The following DACT1 variants were observed in gnomAD, a reference collection of about 807,000 sequenced individuals.
DACT1 encodes the protein dapper homolog 1.
Under a neutral mutation model 35.3 loss-of-function variants are expected in DACT1, and 19 were observed. The observed-to-expected ratio is 0.54, with a 90% confidence interval of 0.38 to 0.79. DACT1 has a LOEUF of 0.79. Among genes scored for constraint, DACT1 ranks in the 30% least tolerant of loss-of-function variants. The probability of loss-of-function intolerance (pLI) is 0.00; values close to 1 mark genes in which losing one functional copy is unlikely to be tolerated. For synonymous variants in DACT1, 545 were observed against 466.7 expected (o/e 1.17, Z -2.16); for missense variants, 1,143 against 1,057.5 (o/e 1.08, Z -1.12).
rs750505073 is a variant in DACT1 at position 58,646,881 on chromosome 14, G to A, written c.2147G>A (p.Cys716Tyr). Residue 716 changes from cysteine (C) to tyrosine (Y), a missense_variant, in exon 4 of 4, where the codon TGC becomes TAC. By Grantham distance (194) the Cys-to-Tyr change is radical. Transcript: ENST00000395153. ...GAGCAGAGCAATTACACCACCAACT[G>A]CTTCGGGGACAGCGAGTCGAGTGTG... ...EDEQSNYTTN[C>Y]FGDSESSVSE... The A allele has an allele frequency of 2.8e-5, 45 of 1,614,070 alleles. No homozygotes were observed. Among genetic ancestry groups the A allele is most frequent in the Non-Finnish European group, 3.6e-5 (42 of 1,180,052 alleles).
chr14:58,638,590 G>C, intron 1 of DACT1, 43 bp downstream of exon 1: 2 of 1,307,080 alleles, frequency 1.5e-6, no homozygotes, highest in East Asian at 2.9e-5. Context: ...TCCTGCCCAG[G>C]GGCTGGAGGT....
In DACT1 at chr14:58,638,547, G is replaced by A. The variant is rs754709809; in HGVS notation, c.345G>A (p.Leu115=). ...EENILLLRKQ[L]NCLRRRDAGL... is the part of the protein sequence containing the mutation. ...ACATCTTGCTGCTAAGAAAGCAATT[G>A]GTAGGTCGTGCCCGAAGGTGGAGCA... Residue 115 remains leucine (L), a splice_region_variant and synonymous_variant, in exon 1 of 4, where the codon TTG becomes TTA. Coordinates refer to ENST00000395153, the MANE Select transcript of DACT1 (RefSeq NM_001079520.2). The A allele has an allele frequency of 7.5e-7, 1 of 1,340,654 alleles. No individual in the cohort carries two copies. The allele number at this position is 1,340,654 out of a possible 1,614,324, so 83.0% of individuals were successfully genotyped here. A position where few individuals can be genotyped will look rare whatever the true frequency, so the allele number is the denominator to read the frequency against.
chr14:58,641,453 C>G (rs2047626076), intron 2 of DACT1, 139 bp from the exon 3 acceptor site: 4 of 904,164 alleles, frequency 4.4e-6, no homozygotes, highest in South Asian at 3.4e-5. Flanking sequence ...ATTAGGACAC[C>G]AAAGTCCAAT....
At chr14:58,635,725 G>A (rs2047568825), upstream of DACT1, among the ~76,000 whole-genome samples, 1 of 152,158 alleles carries the variant, frequency 6.6e-6, no homozygotes, top group Non-Finnish European at 1.5e-5. Flanking sequence ...GAGACATAGC[G>A]AGCTTGTCTG....
At chr14:58,644,842 A>G (rs1008317691) in intron 3 of DACT1, among the ~76,000 whole-genome samples, 7 of 152,184 alleles carry the variant, frequency 4.6e-5, no homozygotes, top group Non-Finnish European at 8.8e-5. Flanking sequence ...AAGAAAGTAA[A>G]TATCACTTAC....
At chr14:58,635,799 T>C (rs545683550), upstream of DACT1, among the ~76,000 whole-genome samples, 1 of 152,280 alleles carries the variant, frequency 6.6e-6, no homozygotes, top group African/African-American at 2.4e-5. Flanking sequence ...CCCTCAACTA[T>C]ACAAATATAG....
Position 58,646,226 on chromosome 14 carries a change from A to C in DACT1, c.1492A>C (p.Arg498=), listed in dbSNP as rs1176643481. Residue 498 remains arginine, a synonymous_variant, in exon 4 of 4, where the codon AGG becomes CGG. Transcript: ENST00000395153. ...GTCTACAGCTTTCCCCGTGGAAGAG[A>C]GGCCTGCCTTGGATTTCAAGAGCGA... is the stretch of plus-strand genomic sequence containing the variant. ...LLSTAFPVEE[R]PALDFKSEGS... 6.2e-7 allele frequency: 1 copy of C among 1,613,848 alleles called. No individual in the cohort carries two copies. Among genetic ancestry groups the C allele is most frequent in the Non-Finnish European group, 8.5e-7 (1 of 1,179,966 alleles).
intron 1 of DACT1, 38 bp from the exon 2 acceptor site, chr14:58,640,698 C>T: frequency 3.1e-6 from 5 of 1,612,062 alleles, no homozygotes; most frequent in Non-Finnish European, 4.2e-6. Context: ...TTTTGTCACC[C>T]CTGTATGTTC....
rs570790352 is a variant in DACT1 at position 58,646,290 on chromosome 14, A to T, written c.1556A>T (p.Lys519Met). The change falls in exon 4 of 4, where the codon AAG (lysine) becomes ATG (methionine). Residue 519 changes from lysine to methionine, a missense_variant. This residue lies in a region of DACT1 where 1,054 missense variants were observed against 958.8 expected (regional missense o/e 1.10). Transcript: ENST00000395153. ...SQSLEEAHLVKAQFIPGQQPS... is the reference protein window; with the variant it reads ...SQSLEEAHLVMAQFIPGQQPS... ...AGCCTGGAGGAAGCGCACCTGGTCA[A>T]GGCCCAGTTTATCCCGGGGCAGCAG... The T allele has an allele frequency of 4.3e-6, 7 of 1,612,310 alleles. No individual in the cohort carries two copies. In the African/African-American group the frequency reaches 8.0e-5, roughly 18 times the overall value.
intron 1 of DACT1, 23 bp downstream of exon 1, chr14:58,638,570 G>C (rs1236414900): frequency 7.5e-7 from 1 of 1,324,678 alleles, no homozygotes; most frequent in African/African-American, 1.5e-5. Context: ...CGAAGGTGGA[G>C]CACGGCTGTT....
At chr14:58,636,044 G>A (rs1401498777), upstream of DACT1, among the ~76,000 whole-genome samples, 1 of 152,146 alleles carries the variant, frequency 6.6e-6, no homozygotes, top group East Asian at 1.9e-4. Context: ...GGCAACAGCA[G>A]GCATAAAGAA....
chr14:58,639,779 C>T (rs1388362785), intron 1 of DACT1, among the ~76,000 whole-genome samples: 1 of 152,218 alleles, frequency 6.6e-6, no homozygotes, highest in Non-Finnish European at 1.5e-5. Flanking sequence ...TCTGTTTTGG[C>T]ATTTTACTGT....
At position 58,645,721 on chromosome 14, in the gene DACT1, C is replaced by T. The variant is rs759930825; in HGVS notation, c.987C>T (p.Pro329=). The change falls in exon 4 of 4, where the codon CCC becomes CCT. Residue 329 remains proline (P), a synonymous_variant. Coordinates refer to ENST00000395153, the MANE Select transcript of DACT1 (RefSeq NM_001079520.2). The part of the protein sequence containing the change: ...NKPRTSVNAD[P]TKGLLRNGSV... ...CAAGAACCAGCGTGAACGCTGACCC[C>T]ACGAAAGGGCTTCTGAGGAACGGGA... The T allele has an allele frequency of 1.9e-6, 3 of 1,614,236 alleles. No homozygotes were observed. Among genetic ancestry groups the T allele is most frequent in the Non-Finnish European group, 2.5e-6 (3 of 1,180,052 alleles).
In DACT1 at chr14:58,646,113, C is replaced by T. The variant is rs373845670; in HGVS notation, c.1379C>T (p.Pro460Leu). ...KESPSRGPAP[P>L]QENKVVQPLK... ...AGTCCTAGCAGAGGCCCTGCCCCGCCGCAGGAGAACAAAGTTGTACAGCCC... is the reference window on the plus strand; with the variant it reads ...AGTCCTAGCAGAGGCCCTGCCCCGCTGCAGGAGAACAAAGTTGTACAGCCC... The change falls in exon 4 of 4, where the codon CCG becomes CTG. Residue 460 changes from proline (P) to leucine (L), a missense_variant. Transcript: ENST00000395153. The T allele has an allele frequency of 1.6e-5, 25 of 1,612,616 alleles. No homozygotes were observed. The highest frequency in any genetic ancestry group is 4.0e-5 in the African/African-American group (3 of 74,806).
intron 3 of DACT1, among the ~76,000 whole-genome samples, chr14:58,642,481 A>C (rs1328575757): frequency 4.0e-5 from 6 of 150,004 alleles, no homozygotes; most frequent in Admixed American, 6.6e-5. Context: ...GAAAAAAAAA[A>C]CAAAAAACAA....
chr14:58,646,687 A>G lies in DACT1; in HGVS notation c.1953A>G (p.Glu651=), dbSNP rs2047690352. 1.9e-6 allele frequency: 3 copies of G among 1,612,812 alleles called. No individual in the cohort carries two copies. Among genetic ancestry groups the G allele is most frequent in the African/African-American group, 1.3e-5 (1 of 74,904 alleles). ...RWKSSAEISY[E]EALRRARRGR... ...AGTCCTCGGCCGAGATTTCCTACGA[A>G]GAGGCCCTGAGGAGGGCCCGGCGCG... The change falls in exon 4 of 4, where the codon GAA becomes GAG. Residue 651 remains glutamate (E), a synonymous_variant. Transcript: ENST00000395153.
In DACT1 at chr14:58,638,455, C is replaced by G. The variant is rs748203756; in HGVS notation, c.253C>G (p.Arg85Gly). Residue 85 changes from arginine to glycine, a missense_variant, in exon 1 of 4, where the codon CGC becomes GGC. Physicochemically the swap from Arg to Gly is moderately radical, Grantham distance 125. Around this residue, in one of 3 missense-constraint regions of DACT1, gnomAD observed 1,054 missense variants for 958.8 expected, o/e 1.10. Coordinates refer to ENST00000395153, the MANE Select transcript of DACT1 (RefSeq NM_001079520.2). ...GAGGAGAAAP[R>G]AGELLGEAAQ... Reference sequence around the variant, plus strand: ...CGGGGGTGCGGGAGCCGCTGCGCCCCGCGCTGGGGAGCTACTGGGGGAGGC... The same window carrying G: ...CGGGGGTGCGGGAGCCGCTGCGCCCGGCGCTGGGGAGCTACTGGGGGAGGC... 1.4e-4 allele frequency: 187 copies of G among 1,352,124 alleles called. No homozygotes were observed. The highest frequency in any genetic ancestry group is 1.6e-4 in the Non-Finnish European group (171 of 1,047,438). 83.8% of individuals were successfully genotyped at this position (1,352,124 alleles called of 1,614,324 possible). A position where few individuals can be genotyped will look rare whatever the true frequency, so the allele number is the denominator to read the frequency against.
chr14:58,642,308 G>T (rs1319183447), intron 3 of DACT1, among the ~76,000 whole-genome samples: 1 of 152,036 alleles, frequency 6.6e-6, no homozygotes, highest in Non-Finnish European at 1.5e-5. Context: ...CCAACATGGT[G>T]AAACCCCATC....
rs1338418279 is a variant in DACT1 at position 58,638,080 on chromosome 14, C to G, written c.-123C>G. On this transcript the variant is annotated 5_prime_UTR_variant, in exon 1 of 4. Transcript: ENST00000395153. The stretch of plus-strand genomic sequence containing the variant: ...ACTCGAGGGCTTCTAGCCACCGTCC[C>G]CGCCAGCGCCGCGCCCCGCCACAGG... The G allele has an allele frequency of 1.9e-6, 2 of 1,072,802 alleles. No homozygotes were observed. Among genetic ancestry groups the G allele is most frequent in the East Asian group, 7.4e-5 (2 of 27,144 alleles). 66.5% of individuals were successfully genotyped at this position (1,072,802 alleles called of 1,614,324 possible). A position where few individuals can be genotyped will look rare whatever the true frequency, so the allele number is the denominator to read the frequency against.
Sources: allele counts gnomAD v4.1 joint callset (sites outside exome capture counted in the v4.1 genomes callset), GRCh38; gene constraint gnomAD v4.1.1; regional missense constraint gnomAD v4.1.1; transcripts MANE v1.5; gene names NCBI Gene and HGNC (gene_info 2026-07-23, HGNC 2026-07-21).